The following TFR2 variants were observed in gnomAD, a reference collection of about 807,000 sequenced individuals.
TFR2 encodes the protein transferrin receptor protein 2.
In TFR2, 64 loss-of-function variants were observed where a neutral mutation model predicts 91.9. The observed-to-expected ratio is 0.70, with a 90% CI of 0.57 to 0.86. The LOEUF is 0.86. Ranked by LOEUF, TFR2 falls within the 40% of genes least tolerant of loss-of-function variation. TFR2 has a pLI of 0.00. For synonymous variants in TFR2, 454 were observed against 459.6 expected (o/e 0.99, Z 0.15); for missense variants, 950 against 1,080.5 (o/e 0.88, Z 1.69).
At chr7:100,633,712 T>C (rs988150843) in intron 3 of TFR2, 156 bp from the exon 4 acceptor site, 1 of 1,194,078 alleles carries the variant, frequency 8.4e-7, no homozygotes, top group Non-Finnish European at 1.1e-6. Flanking sequence ...TTTTTTTTTT[T>C]TTTTTTTTTT....
chr7:100,623,258 C>T (rs1363721308), intron 17 of TFR2, among the ~76,000 whole-genome samples: 3 of 152,176 alleles, frequency 2.0e-5, no homozygotes, highest in Non-Finnish European at 1.5e-5. Context: ...GGTGACAGAG[C>T]GAGACTCCGT....
Position 100,637,401 on chromosome 7 carries a change from C to CAA in TFR2, c.473+3283_473+3284dup, listed in dbSNP as rs56900814. On this transcript the variant is annotated intron_variant, in intron 3 of 17. Coordinates refer to ENST00000223051, the MANE Select transcript of TFR2 (RefSeq NM_003227.4). The stretch of plus-strand genomic sequence containing the variant: ...GCAACAAGAGTGAAACTCTGTCTCA[C>CAA]AAAAAAAAAGAAAAAAACAAAAAAC... Among the ~76,000 whole-genome samples the CAA allele has an allele frequency of 6.4e-3, 946 of 148,016 alleles. 15 individuals are homozygous for CAA. The highest frequency in any genetic ancestry group is 0.032 in the Admixed American group (467 of 14,764).
chr7:100,629,648 C>G (rs1803371760), intron 9 of TFR2, among the ~76,000 whole-genome samples: 1 of 152,236 alleles, frequency 6.6e-6, no homozygotes, highest in South Asian at 2.1e-4. Context: ...GCTTCAAACT[C>G]CCTGGCTCAA....
At chr7:100,622,975 CAAA>C (rs1803147917) in intron 17 of TFR2, among the ~76,000 whole-genome samples, 2 of 15,764 alleles carry the variant, frequency 1.3e-4, no homozygotes, top group Admixed American at 9.3e-4. Context: ...CAAAACCAAA[CAAA>C]CAAACAAACA....
In TFR2 at chr7:100,620,757, G is replaced by T; in HGVS notation, c.*100C>A. On this transcript the variant is annotated 3_prime_UTR_variant, in exon 18 of 18. Coordinates refer to ENST00000223051, the MANE Select transcript of TFR2 (RefSeq NM_003227.4). ...GGGTAATGAGAAATTGATCAGCAAT[G>T]AGAGGTGGACTCTGAGCCACCTCCC... 6.5e-7 allele frequency: 1 copy of T among 1,527,266 alleles called. No individual in the cohort carries two copies. Among genetic ancestry groups the T allele is most frequent in the African/African-American group, 1.4e-5 (1 of 73,212 alleles). The allele number at this position is 1,527,266 out of a possible 1,614,324, so 94.6% of individuals were successfully genotyped here. A position where few individuals can be genotyped will look rare whatever the true frequency, so the allele number is the denominator to read the frequency against.
At chr7:100,638,089 C>T (rs1188320508) in intron 3 of TFR2, among the ~76,000 whole-genome samples, 2 of 151,970 alleles carry the variant, frequency 1.3e-5, no homozygotes, top group South Asian at 2.1e-4. Flanking sequence ...CTGCAAGCTC[C>T]GCCTCCCGGG....
chr7:100,630,789 T>A, intron 9 of TFR2, 100 bp downstream of exon 9: 3 of 1,552,892 alleles, frequency 1.9e-6, no homozygotes, highest in Non-Finnish European at 2.6e-6. Context: ...CTGTCCCCTC[T>A]TGGGGCCTCC....
At chr7:100,639,465 C>T (rs962052349) in intron 3 of TFR2, among the ~76,000 whole-genome samples, 3 of 152,044 alleles carry the variant, frequency 2.0e-5, no homozygotes, top group African/African-American at 7.2e-5. Flanking sequence ...CAGCAAAGTT[C>T]ATTGTCAATG....
intron 17 of TFR2, among the ~76,000 whole-genome samples, chr7:100,623,754 A>G (rs2131307038): frequency 6.6e-6 from 1 of 151,808 alleles, no homozygotes; most frequent in Non-Finnish European, 1.5e-5. Flanking sequence ...CTCATTTCAA[A>G]AACAAAAACT....
At chr7:100,630,814 A>G in intron 9 of TFR2, 75 bp downstream of exon 9, 3 of 1,601,802 alleles carry the variant, frequency 1.9e-6, no homozygotes, top group South Asian at 2.2e-5. Flanking sequence ...CCAGCCCCCT[A>G]TCTTGCCAGG....
intron 17 of TFR2, 63 bp from the exon 18 acceptor site, chr7:100,621,189 C>A: frequency 7.0e-7 from 1 of 1,429,284 alleles, no homozygotes; most frequent in East Asian, 2.6e-5. Context: ...AGGCCCGAGT[C>A]ACCCTTCCCG....
chr7:100,638,777 G>A (rs893582566), intron 3 of TFR2, among the ~76,000 whole-genome samples: 5 of 151,916 alleles, frequency 3.3e-5, no homozygotes, highest in South Asian at 2.1e-4. Context: ...AAAAATAGCC[G>A]GGCATAGTGG....
At chr7:100,637,680 G>A (rs1203239172) in intron 3 of TFR2, among the ~76,000 whole-genome samples, 1 of 152,006 alleles carries the variant, frequency 6.6e-6, no homozygotes, top group African/African-American at 2.4e-5. Flanking sequence ...GGGCGTGGTG[G>A]CCCCTCCCTG....
chr7:100,641,045 G>T lies in TFR2; in HGVS notation c.217C>A (p.Pro73Thr). 3 of 1,602,962 alleles carry T rather than the reference G, an allele frequency of 1.9e-6. No individual in the cohort carries two copies. Among genetic ancestry groups the T allele is most frequent in the Non-Finnish European group, 2.6e-6 (3 of 1,173,656 alleles). The change falls in exon 2 of 18, where the codon CCC (proline) becomes ACC (threonine). Residue 73 changes from proline to threonine, a missense_variant. Physicochemically the swap from Pro to Thr is conservative, Grantham distance 38 (BLOSUM62 -1). Coordinates refer to ENST00000223051, the MANE Select transcript of TFR2 (RefSeq NM_003227.4). The stretch of plus-strand genomic sequence containing the variant: ...GCCCTCCGTCCTGCTGCCGCCCAGG[G>T]AATGAGGTTTGGCTGCCTGGGTCTA... Reference protein sequence around the residue: ...GSRPRQPNLIPWAAAGRRAAP... With the variant: ...GSRPRQPNLITWAAAGRRAAP...
chr7:100,630,873 T>C lies in TFR2; in HGVS notation c.1270+16A>G, dbSNP rs185470250. 7,145 of 1,612,262 alleles carry C rather than the reference T, an allele frequency of 4.4e-3. 20 individuals carry two copies. The highest frequency in any genetic ancestry group is 9.0e-3 in the Middle Eastern group (43 of 4,756). On this transcript the variant is annotated intron_variant, in intron 9 of 17. Transcript: ENST00000223051. ...GCCCACCACCAGCTGTGAGTGATAC[T>C]GGACACACAGCATACCTGGCTCTGA...
intron 6 of TFR2, 128 bp from the exon 7 acceptor site, chr7:100,632,326 A>T: frequency 2.3e-6 from 2 of 882,768 alleles, no homozygotes; most frequent in Non-Finnish European, 3.7e-6. Context: ...TGGGGGCACT[A>T]CCTGGCCTGT....
At chr7:100,636,760 C>T (rs1204418605) in intron 3 of TFR2, among the ~76,000 whole-genome samples, 1 of 149,648 alleles carries the variant, frequency 6.7e-6, no homozygotes, top group Non-Finnish European at 1.5e-5. Flanking sequence ...CCCCCACTTT[C>T]TCTTCCCTCT....
chr7:100,641,269 TG>T (rs1205003258), intron 1 of TFR2, 41 bp from the exon 2 acceptor site: 8 of 1,238,984 alleles, frequency 6.5e-6, no homozygotes, highest in East Asian at 1.1e-4. Context: ...GCAAGAGGCC[TG>T]GGGGGTGGGG....
At position 100,627,597 on chromosome 7, in the gene TFR2, C is replaced by T. The variant is rs370375593; in HGVS notation, c.1747G>A (p.Val583Ile). ...CTCACCTCCATAAAGGAGAACTCGACGGCAGGGACTCCCACAAAGGCCGTG... is the reference window on the plus strand; with the variant it reads ...CTCACCTCCATAAAGGAGAACTCGATGGCAGGGACTCCCACAAAGGCCGTG... ...SFTAFVGVPA[V>I]EFSFMEDDQA... Residue 583 changes from valine to isoleucine, a missense_variant, in exon 15 of 18, where the codon GTC (valine) becomes ATC (isoleucine). Coordinates refer to ENST00000223051, the MANE Select transcript of TFR2 (RefSeq NM_003227.4). The T allele has an allele frequency of 1.4e-4, 218 of 1,613,982 alleles. No homozygotes were observed. The highest frequency in any genetic ancestry group is 1.7e-4 in the Non-Finnish European group (200 of 1,179,998).
Sources: gnomAD v4.1 joint callset for allele counts (sites outside exome capture counted in the v4.1 genomes callset) on GRCh38, gnomAD v4.1.1 for gene constraint, MANE v1.5 for transcripts, NCBI Gene and HGNC (gene_info 2026-07-23, HGNC 2026-07-21) for gene names.